JAKMIP1: variants seen among roughly 807,000 people sequenced by gnomAD.
JAKMIP1 encodes janus kinase and microtubule-interacting protein 1.
In JAKMIP1, 33 loss-of-function variants were observed where a neutral mutation model predicts 113.0. That is an observed-to-expected ratio of 0.29 (90% CI 0.22 to 0.39). The LOEUF (loss-of-function observed/expected upper bound fraction) is 0.39, where lower values mean the gene tolerates loss of function less well. JAKMIP1 is among the 10% of genes least tolerant of loss of function. The pLI is 1.00. For missense variants in JAKMIP1, 813 were observed against 1,080.5 expected, an observed-to-expected ratio of 0.75 and a Z score of 3.47; for synonymous variants, 480 against 459.9, an observed-to-expected ratio of 1.04 and a Z score of -0.56.
intron 8 of JAKMIP1, among the ~76,000 whole-genome samples, chr4:6,073,753 C>A (rs996581887): frequency 7.9e-5 from 12 of 152,242 alleles, no homozygotes; most frequent in Non-Finnish European, 1.5e-4. Flanking sequence ...CCAATCCCAT[C>A]CAGCTAGTAG....
Position 6,179,866 on chromosome 4 carries a change from T to C in JAKMIP1, c.-148+20387A>G, listed in dbSNP as rs1455712745. Among the ~76,000 whole-genome samples the C allele has an allele frequency of 1.3e-5, 2 of 152,206 alleles. No homozygotes were observed. Among genetic ancestry groups the C allele is most frequent in the African/African-American group, 2.4e-5 (1 of 41,434 alleles). On this transcript the variant is annotated intron_variant, in intron 1 of 20. Transcript: ENST00000409021. The surrounding 1 kb of genome is among the most constrained non-coding windows in gnomAD (Gnocchi z 4.5). ...GAGGCTCAAAGAGGTGAAGTCACTTTCTTAAAATCCATAGCTTGTAAATGA... is the reference window on the plus strand; with the variant it reads ...GAGGCTCAAAGAGGTGAAGTCACTTCCTTAAAATCCATAGCTTGTAAATGA...
intron 8 of JAKMIP1, among the ~76,000 whole-genome samples, chr4:6,073,561 T>C (rs1164918140): frequency 6.6e-6 from 1 of 152,224 alleles, no homozygotes; most frequent in Non-Finnish European, 1.5e-5. Flanking sequence ...CCTGGGAATC[T>C]GCATTTCACA....
chr4:6,040,324 A>T lies in JAKMIP1; in HGVS notation c.2175+315T>A, dbSNP rs1714153705. 3.3e-5 allele frequency among the ~76,000 whole-genome samples: 5 copies of T among 152,214 alleles called. No homozygotes were observed. The highest frequency in any genetic ancestry group is 3.3e-4 in the Admixed American group (5 of 15,274). ...ATAGGAAAACTTGCTTTGGGACTTT[A>T]AGTCTAAATATTTAAGTAAAATCAA... On this transcript the variant is annotated intron_variant, in intron 18 of 20. Transcript: ENST00000409021. This position sits in a 1 kb window ranked among gnomAD's most constrained non-coding sequence, Gnocchi z 5.8.
chr4:6,048,215 G>A (rs545543747), intron 16 of JAKMIP1, among the ~76,000 whole-genome samples: 45 of 152,350 alleles, frequency 3.0e-4, no homozygotes, highest in Middle Eastern at 6.8e-3. Flanking sequence ...TCAACAACGT[G>A]TAAGGCTGCA....
At chr4:6,125,346 C>T (rs549639937) in intron 1 of JAKMIP1, among the ~76,000 whole-genome samples, 5 of 152,220 alleles carry the variant, frequency 3.3e-5, no homozygotes, top group South Asian at 2.1e-4. Context: ...AGCCCCTCCC[C>T]GCAGACAGGG....
At position 6,199,678 on chromosome 4, in the gene JAKMIP1, C is replaced by T. The variant is rs1363391058; in HGVS notation, c.-148+575G>A. On this transcript the variant is annotated intron_variant, in intron 1 of 20. Transcript: ENST00000409021. The surrounding 1 kb of genome is among the most constrained non-coding windows in gnomAD (Gnocchi z 5.6). The stretch of plus-strand genomic sequence containing the variant: ...GTGTGCGTGGCAGGGGCCGCGGCGG[C>T]GTGTGCCGTGCGTGGGGTGGGGTGC... Among the ~76,000 whole-genome samples, 2 of 151,534 alleles carry T rather than the reference C, an allele frequency of 1.3e-5. No homozygotes were observed. The highest frequency in any genetic ancestry group is 6.6e-5 in the Admixed American group (1 of 15,212).
rs115390023 is a variant in JAKMIP1 at position 6,135,482 on chromosome 4, C to A, written c.-147-22485G>T. 7.0e-3 allele frequency among the ~76,000 whole-genome samples: 1,068 copies of A among 152,194 alleles called. 9 individuals are homozygous for A. Among genetic ancestry groups the A allele is most frequent in the African/African-American group, 0.025 (1,020 of 41,500 alleles). On this transcript the variant is annotated intron_variant, in intron 1 of 20. Coordinates refer to ENST00000409021, the MANE Select transcript of JAKMIP1 (RefSeq NM_001099433.2). This position sits in a 1 kb window ranked among gnomAD's most constrained non-coding sequence, Gnocchi z 4.9. The stretch of plus-strand genomic sequence containing the variant: ...GTGTGAGCCGCCCAGTCTGTGGAGT[C>A]CATCATGGCAGCCCCTGAAGACTGA...
chr4:6,046,560 T>C (rs1388400354), intron 16 of JAKMIP1, among the ~76,000 whole-genome samples: 1 of 119,532 alleles, frequency 8.4e-6, no homozygotes. Context: ...TTGGGGAGGT[T>C]GGTGGTCAGG....
rs1190293826 is a variant in JAKMIP1, at chr4:6,059,497, C to A, written c.1644+927G>T. On this transcript the variant is annotated intron_variant, in intron 11 of 20. Coordinates refer to ENST00000409021, the MANE Select transcript of JAKMIP1 (RefSeq NM_001099433.2). The surrounding 1 kb of genome is among the most constrained non-coding windows in gnomAD (Gnocchi z 4.8). Reference sequence around the variant, plus strand: ...GACCTTGCCTGGCCTCCTCAGCCCCCCATAGATGCCTCTCTGCAGGCAGGG... The same window carrying A: ...GACCTTGCCTGGCCTCCTCAGCCCCACATAGATGCCTCTCTGCAGGCAGGG... Among the ~76,000 whole-genome samples the A allele has an allele frequency of 1.3e-5, 2 of 152,140 alleles. No individual in the cohort carries two copies. Among genetic ancestry groups the A allele is most frequent in the Non-Finnish European group, 2.9e-5 (2 of 68,022 alleles).
chr4:6,182,733 C>G (rs1031654438), intron 1 of JAKMIP1, among the ~76,000 whole-genome samples: 3 of 152,212 alleles, frequency 2.0e-5, no homozygotes, highest in African/African-American at 7.2e-5. Context: ...TGTGTGATGA[C>G]AAGGAGTCTG....
chr4:6,066,610 T>A (rs1037277797), intron 8 of JAKMIP1, among the ~76,000 whole-genome samples: 2 of 152,098 alleles, frequency 1.3e-5, no homozygotes, highest in African/African-American at 2.4e-5. Flanking sequence ...CAGCTCATGC[T>A]TCAGTTGCCC....
chr4:6,081,157 G>C lies in JAKMIP1; in HGVS notation c.1101+452C>G, dbSNP rs780071988. On this transcript the variant is annotated intron_variant, in intron 6 of 20. Coordinates refer to ENST00000409021, the MANE Select transcript of JAKMIP1 (RefSeq NM_001099433.2). This position sits in a 1 kb window ranked among gnomAD's most constrained non-coding sequence, Gnocchi z 4.6. ...CTGTCAACTACAAGACGCCTGCCCT[G>C]ACCACAAACACCAGGCATCCTAGCT... Among the ~76,000 whole-genome samples, 1 of 152,132 alleles carries C rather than the reference G, an allele frequency of 6.6e-6. No individual in the cohort carries two copies. Among genetic ancestry groups the C allele is most frequent in the Non-Finnish European group, 1.5e-5 (1 of 68,022 alleles).
chr4:6,090,951 G>A (rs1444293073), intron 3 of JAKMIP1, among the ~76,000 whole-genome samples: 2 of 152,088 alleles, frequency 1.3e-5, no homozygotes, highest in Non-Finnish European at 2.9e-5. Flanking sequence ...CTAGAGCATC[G>A]CCACCCCAGG....
chr4:6,178,962 G>A lies in JAKMIP1; in HGVS notation c.-148+21291C>T, dbSNP rs1421941568. Among the ~76,000 whole-genome samples the A allele has an allele frequency of 6.6e-6, 1 of 152,212 alleles. No homozygotes were observed. Among genetic ancestry groups the A allele is most frequent in the Non-Finnish European group, 1.5e-5 (1 of 68,036 alleles). Reference sequence around the variant, plus strand: ...ACACTCGGTCATTCATTTATGAATTGTTTCTCTGGAATGTCTTCAGAATGG... The same window carrying A: ...ACACTCGGTCATTCATTTATGAATTATTTCTCTGGAATGTCTTCAGAATGG... On this transcript the variant is annotated intron_variant, in intron 1 of 20. Transcript: ENST00000409021. This position sits in a 1 kb window ranked among gnomAD's most constrained non-coding sequence, Gnocchi z 5.5.
intron 1 of JAKMIP1, among the ~76,000 whole-genome samples, chr4:6,123,336 G>A (rs1025095627): frequency 3.3e-5 from 5 of 152,192 alleles, no homozygotes; most frequent in Non-Finnish European, 7.3e-5. Context: ...TAGCAGCTGA[G>A]CTGTCTGTTC....
intron 12 of JAKMIP1, 72 bp downstream of exon 12, chr4:6,056,625 T>C (rs541365846): frequency 2.9e-5 from 34 of 1,165,520 alleles, no homozygotes; most frequent in South Asian, 2.7e-4. Flanking sequence ...GCACGACCCG[T>C]GTAGTCTGAG....
intron 18 of JAKMIP1, among the ~76,000 whole-genome samples, chr4:6,036,931 G>A (rs186714238): frequency 6.6e-6 from 1 of 150,396 alleles, no homozygotes; most frequent in Non-Finnish European, 1.5e-5. Flanking sequence ...CTCCATCACC[G>A]AGGTAGAGGC....
At chr4:6,115,952 G>A (rs1715703856) in intron 1 of JAKMIP1, among the ~76,000 whole-genome samples, 1 of 152,104 alleles carries the variant, frequency 6.6e-6, no homozygotes, top group Non-Finnish European at 1.5e-5. Context: ...CCACCTTTGT[G>A]CACCCTACCC....
Position 6,158,312 on chromosome 4 carries a change from G to T in JAKMIP1, c.-148+41941C>A, listed in dbSNP as rs187679549. ...AAAGCCCAGAACCTAACATCATAGG[G>T]ATGGTAGTGGGATGGGGTGGTGTCT... On this transcript the variant is annotated intron_variant, in intron 1 of 20. Transcript: ENST00000409021. The surrounding 1 kb of genome is among the most constrained non-coding windows in gnomAD (Gnocchi z 5.3). 5.3e-5 allele frequency among the ~76,000 whole-genome samples: 8 copies of T among 152,330 alleles called. No homozygotes were observed. Among genetic ancestry groups the T allele is most frequent in the Non-Finnish European group, 1.2e-4 (8 of 68,026 alleles).
Sources: allele counts gnomAD v4.1 joint callset (sites outside exome capture counted in the v4.1 genomes callset), GRCh38; gene constraint gnomAD v4.1.1; non-coding constraint Gnocchi (gnomAD v3.1); transcripts MANE v1.5; gene names NCBI Gene and HGNC (gene_info 2026-07-23, HGNC 2026-07-21).